The following SNRNP200 variants were observed in gnomAD, a reference collection of about 807,000 sequenced individuals.
SNRNP200 encodes small nuclear ribonucleoprotein U5 subunit 200.
A neutral mutation model predicts 255.2 loss-of-function variants in SNRNP200; 66 were observed. The ratio of observed to expected loss-of-function variants is 0.26; its 90% CI spans 0.21 to 0.32. The LOEUF (loss-of-function observed/expected upper bound fraction) is 0.32. Among genes scored for constraint, SNRNP200 ranks in the 10% least tolerant of loss-of-function variants. SNRNP200 has a pLI of 1.00. For synonymous variants in SNRNP200, 939 were observed against 1,027.8 expected (o/e 0.91, Z 1.65); for missense variants, 1,585 against 2,749.8 (o/e 0.58, Z 9.47).
chr2:96,282,991 T>A (rs763081539), intron 34 of SNRNP200: 1 of 659,404 alleles, frequency 1.5e-6, no homozygotes, highest in Non-Finnish European at 2.7e-6. Flanking sequence ...GTCTGCCTGT[T>A]TTCTCACCTG....
At position 96,284,592 on chromosome 2, in the gene SNRNP200, G is replaced by A. The variant is rs2063831002; in HGVS notation, c.4165-7C>T. On this transcript the variant is annotated splice_region_variant and splice_polypyrimidine_tract_variant and intron_variant, in intron 30 of 44. Coordinates refer to ENST00000323853, the MANE Select transcript of SNRNP200 (RefSeq NM_014014.5). ...CGTACCAGTCCATGTATACCTGGCG[G>A]GCAGAGGAGGGAGGCAGAACAACAC... is the stretch of plus-strand genomic sequence containing the variant. 1.9e-6 allele frequency: 3 copies of A among 1,601,760 alleles called. No individual in the cohort carries two copies. The highest frequency in any genetic ancestry group is 1.7e-6 in the Non-Finnish European group (2 of 1,168,976).
In SNRNP200 at chr2:96,275,027, G is replaced by A; in HGVS notation, c.6396C>T (p.Asp2132=). 6.2e-7 allele frequency: 1 copy of A among 1,614,160 alleles called. No individual in the cohort carries two copies. Among genetic ancestry groups the A allele is most frequent in the Non-Finnish European group, 8.5e-7 (1 of 1,180,038 alleles). ...GCCTCAGGACTCAATCTGAATCACT[G>A]TCTGTCTCAGCTTCTTTCACATCCA... is the stretch of plus-strand genomic sequence containing the variant. ...FSVDVKEAET[D]SDSD is the part of the protein sequence containing the mutation. The change falls in exon 45 of 45, where the codon GAC becomes GAT. Residue 2132 remains aspartate, a synonymous_variant. Transcript: ENST00000323853.
chr2:96,289,864 T>C lies in SNRNP200; in HGVS notation c.2875A>G (p.Thr959Ala), dbSNP rs1196439236. ...TTCTTGTCCAGCATCAGGGCAGCTG[T>C]ATGAACCAGATCTAGTCGGCGCTGG... ...LDQRRLDLVHTAALMLDKNNL... is the reference protein window; with the variant it reads ...LDQRRLDLVHAAALMLDKNNL... Residue 959 changes from threonine (T) to alanine (A), a missense_variant, in exon 21 of 45, where the codon ACA (threonine) becomes GCA (alanine). Thr to Ala is a moderately conservative substitution (Grantham distance 58). This residue lies in a region of SNRNP200 where 719 missense variants were observed against 1,091.1 expected (regional missense o/e 0.66). Transcript: ENST00000323853. The C allele has an allele frequency of 1.2e-6, 2 of 1,614,192 alleles. No individual in the cohort carries two copies. Among genetic ancestry groups the C allele is most frequent in the Non-Finnish European group, 1.7e-6 (2 of 1,180,026 alleles).
intron 30 of SNRNP200, 175 bp from the exon 31 acceptor site, chr2:96,284,760 TTC>T: frequency 1.6e-6 from 1 of 621,078 alleles, no homozygotes; most frequent in Non-Finnish European, 2.8e-6. Context: ...TTTTTTTTTT[TTC>T]TTTTGAGATG....
In SNRNP200 at chr2:96,279,229, C is replaced by T; in HGVS notation, c.5133+222G>A. 4 of 645,016 alleles carry T rather than the reference C, an allele frequency of 6.2e-6. No homozygotes were observed. The East Asian group carries it at 1.1e-4, about 18-fold the overall frequency. 40.0% of individuals were successfully genotyped at this position (645,016 alleles called of 1,614,324 possible). A position where few individuals can be genotyped will look rare whatever the true frequency, so the allele number is the denominator to read the frequency against. On this transcript the variant is annotated intron_variant, in intron 36 of 44. Transcript: ENST00000323853. ...GCAGCCCAAGGAGGAAGGAGAGAACCAAGTAGAGGGTGAAGACCTCAACAC... is the reference window on the plus strand; with the variant it reads ...GCAGCCCAAGGAGGAAGGAGAGAACTAAGTAGAGGGTGAAGACCTCAACAC...
rs369841550 is a variant in SNRNP200, at chr2:96,291,530, C to G, written c.2311-28G>C. 2 of 1,476,494 alleles carry G rather than the reference C, an allele frequency of 1.4e-6. No homozygotes were observed. Among genetic ancestry groups the G allele is most frequent in the African/African-American group, 2.8e-5 (2 of 72,164 alleles). The allele number at this position is 1,476,494 out of a possible 1,614,324, so 91.5% of individuals were successfully genotyped here. On this transcript the variant is annotated intron_variant, in intron 17 of 44. Transcript: ENST00000323853. This position sits in a 1 kb window ranked among gnomAD's most constrained non-coding sequence, Gnocchi z 4.2. ...GTGGAACAAAGAACCGGGGATGAGG[C>G]GAGCCTTCCTGTAGGACTCATCCAA...
At chr2:96,279,909 TTTTA>T (rs1684731202) in intron 35 of SNRNP200, 4 of 323,394 alleles carry the variant, frequency 1.2e-5, no homozygotes, top group Admixed American at 8.7e-5. Context: ...TTATTATTGT[TTTTA>T]TTTGTTTTTT....
chr2:96,285,259 A>T lies in SNRNP200; in HGVS notation c.4085T>A (p.Phe1362Tyr). Residue 1362 changes from phenylalanine to tyrosine, a missense_variant, in exon 30 of 45, where the codon TTT (phenylalanine) becomes TAT (tyrosine). Phe to Tyr is a conservative substitution (Grantham distance 22). Coordinates refer to ENST00000323853, the MANE Select transcript of SNRNP200 (RefSeq NM_014014.5). ...TGSGKTICAEFAILRMLLQSS... is the reference protein window; with the variant it reads ...TGSGKTICAEYAILRMLLQSS... ...CTGCAGCAGCATTCGCAGGATGGCAAACTCTGCACAAATAGTCTTCCCGCT... is the reference window on the plus strand; with the variant it reads ...CTGCAGCAGCATTCGCAGGATGGCATACTCTGCACAAATAGTCTTCCCGCT... 6.2e-7 allele frequency: 1 copy of T among 1,614,176 alleles called. No homozygotes were observed. The highest frequency in any genetic ancestry group is 8.5e-7 in the Non-Finnish European group (1 of 1,180,026).
chr2:96,298,753 C>T, intron 7 of SNRNP200, 51 bp from the exon 8 acceptor site: 1 of 1,613,814 alleles, frequency 6.2e-7, no homozygotes, highest in Non-Finnish European at 8.5e-7. Flanking sequence ...TCTGCCACTT[C>T]ATACGCTGTC....
At chr2:96,284,026 G>T in intron 31 of SNRNP200, 22 bp from the exon 32 acceptor site, 11 of 1,469,402 alleles carry the variant, frequency 7.5e-6, no homozygotes, top group South Asian at 1.2e-5. Context: ...GAGGGAGGGA[G>T]GGTCACTGCA....
chr2:96,297,939 T>A (rs1227255327), intron 9 of SNRNP200, among the ~76,000 whole-genome samples: 1 of 152,186 alleles, frequency 6.6e-6, no homozygotes, highest in Admixed American at 6.5e-5. Context: ...CAAATACACG[T>A]TCTATAATTA....
intron 16 of SNRNP200, 112 bp from the exon 17 acceptor site, chr2:96,292,012 G>A: frequency 8.3e-7 from 1 of 1,204,062 alleles, no homozygotes; most frequent in East Asian, 2.4e-5. Flanking sequence ...TCCTGGAGAG[G>A]GGCAAGGGCA....
Position 96,301,727 on chromosome 2 carries a change from G to A in SNRNP200, c.382-11C>T, listed in dbSNP as rs1466221002. 1.2e-6 allele frequency: 2 copies of A among 1,614,042 alleles called. No individual in the cohort carries two copies. Among genetic ancestry groups the A allele is most frequent in the South Asian group, 2.2e-5 (2 of 91,070 alleles). ...AAGGATATCACGTGGCTGGTGGCAA[G>A]AAACAACCAACCAATATTGAGAACG... is the stretch of plus-strand genomic sequence containing the variant. On this transcript the variant is annotated splice_polypyrimidine_tract_variant and intron_variant, in intron 3 of 44. Transcript: ENST00000323853.
chr2:96,292,864 T>TGG, intron 16 of SNRNP200, 108 bp downstream of exon 16: 1 of 1,334,810 alleles, frequency 7.5e-7, no homozygotes, highest in Non-Finnish European at 1.1e-6. Context: ...TATTGGTGAT[T>TGG]TATGTTGTGT....
intron 29 of SNRNP200, among the ~76,000 whole-genome samples, chr2:96,285,619 A>G (rs1489796574): frequency 6.6e-6 from 1 of 152,214 alleles, no homozygotes; most frequent in Non-Finnish European, 1.5e-5. Context: ...AAAGCAAAAG[A>G]AGCCACACAT....
In SNRNP200 at chr2:96,288,047, A is replaced by C. The variant is rs2063854445; in HGVS notation, c.3259-78T>G. 7 of 1,308,310 alleles carry C rather than the reference A, an allele frequency of 5.4e-6. No homozygotes were observed. In the East Asian group the frequency reaches 1.2e-4, roughly 22 times the overall value. 81.0% of individuals were successfully genotyped at this position (1,308,310 alleles called of 1,614,324 possible). Reference sequence around the variant, plus strand: ...CATGAGCCACTCTACACACGGTTTCATTACCTCCAGCTCTGACACAACCAC... The same window carrying C: ...CATGAGCCACTCTACACACGGTTTCCTTACCTCCAGCTCTGACACAACCAC... On this transcript the variant is annotated intron_variant, in intron 24 of 44. Coordinates refer to ENST00000323853, the MANE Select transcript of SNRNP200 (RefSeq NM_014014.5).
In SNRNP200 at chr2:96,283,386, A is replaced by G; in HGVS notation, c.4764-34T>C. The G allele has an allele frequency of 2.5e-6, 4 of 1,614,086 alleles. No homozygotes were observed. The highest frequency in any genetic ancestry group is 3.4e-6 in the Non-Finnish European group (4 of 1,180,028). On this transcript the variant is annotated intron_variant, in intron 33 of 44. Coordinates refer to ENST00000323853, the MANE Select transcript of SNRNP200 (RefSeq NM_014014.5). The surrounding 1 kb of genome is among the most constrained non-coding windows in gnomAD (Gnocchi z 4.7). ...TACAGGCACTGGCTCAGCTCAGAGT[A>G]GTTCAATTCCTGGCAGACACTTTGC...
intron 29 of SNRNP200, among the ~76,000 whole-genome samples, chr2:96,285,654 G>A (rs2063839707): frequency 1.3e-5 from 2 of 152,232 alleles, no homozygotes; most frequent in Non-Finnish European, 2.9e-5. Context: ...CAGGGACTAG[G>A]ATGCGGGACA....
Position 96,305,495 on chromosome 2 carries a change from G to T in SNRNP200, c.-58C>A, listed in dbSNP as rs6721923. The T allele has an allele frequency of 6.2e-7, 1 of 1,609,696 alleles. No individual in the cohort carries two copies. Among genetic ancestry groups the T allele is most frequent in the Non-Finnish European group, 8.5e-7 (1 of 1,177,604 alleles). On this transcript the variant is annotated 5_prime_UTR_variant, in exon 1 of 45. Transcript: ENST00000323853. The stretch of plus-strand genomic sequence containing the variant: ...CGCCTCCCTACCGCAAGCTGCAAAC[G>T]GCCGCAGATCTCTGCTCCCGCCGCG...
Sources: gnomAD v4.1 joint callset for allele counts (sites outside exome capture counted in the v4.1 genomes callset) on GRCh38, gnomAD v4.1.1 for gene constraint, gnomAD v4.1.1 regional missense constraint, Gnocchi (gnomAD v3.1) non-coding constraint, MANE v1.5 for transcripts, NCBI Gene and HGNC (gene_info 2026-07-23, HGNC 2026-07-21) for gene names.